Variants in EPB41L1 observed in about 807,000 individuals in gnomAD.
EPB41L1 encodes erythrocyte membrane protein band 4.1 like 1, also known as band 4.1-like protein 1.
Under a neutral mutation model 97.8 loss-of-function variants are expected in EPB41L1, and 29 were observed. That is an observed-to-expected ratio of 0.30 (90% CI 0.22 to 0.40). EPB41L1 has a LOEUF of 0.40. EPB41L1 is among the 10% of genes least tolerant of loss of function. The pLI is 1.00. For missense variants in EPB41L1, 812 were observed against 1,162.3 expected (o/e 0.70, Z 4.38); for synonymous variants, 383 against 459.2 (o/e 0.83, Z 2.12).
At chr20:36,154,326 C>G (rs928052379), upstream of EPB41L1, among the ~76,000 whole-genome samples, 1 of 152,166 alleles carries the variant, frequency 6.6e-6, no homozygotes, top group Non-Finnish European at 1.5e-5. This position sits in a 1 kb window ranked among gnomAD's most constrained non-coding sequence, Gnocchi z 5.5. Context: ...CCCTCCCTTT[C>G]TCGCTGATGA....
intron 1 of EPB41L1, among the ~76,000 whole-genome samples, chr20:36,096,165 T>C (rs373103662): frequency 2.6e-5 from 4 of 151,852 alleles, no homozygotes; most frequent in African/African-American, 9.7e-5. Context: ...TCAAGAGAGG[T>C]GGAGACAGGG....
At chr20:36,178,429 CT>C (rs923399987) in intron 4 of EPB41L1, among the ~76,000 whole-genome samples, 200 bp from the exon 5 acceptor site, 20 of 152,246 alleles carry the variant, frequency 1.3e-4, no homozygotes, top group Admixed American at 1.1e-3. Context: ...GCTCCGGGCA[CT>C]GGGTCCAAGC....
At chr20:36,173,379 T>C (rs1306309217) in intron 1 of EPB41L1, among the ~76,000 whole-genome samples, 2 of 152,204 alleles carry the variant, frequency 1.3e-5, no homozygotes, top group African/African-American at 2.4e-5. Flanking sequence ...GCTGAGGGTC[T>C]ACCAAGCGCC....
At chr20:36,135,262 C>T (rs777051525) in intron 2 of EPB41L1, among the ~76,000 whole-genome samples, 2 of 152,144 alleles carry the variant, frequency 1.3e-5, no homozygotes, top group African/African-American at 2.4e-5. Context: ...TGGTCATTCC[C>T]ATTGTACAGT....
At chr20:36,167,496 C>T (rs920226858) in intron 1 of EPB41L1, among the ~76,000 whole-genome samples, 1 of 152,000 alleles carries the variant, frequency 6.6e-6, no homozygotes, top group Non-Finnish European at 1.5e-5. Flanking sequence ...TGCCTGAGCT[C>T]AGGAGTTCAA....
rs542556915 is a variant in EPB41L1, at chr20:36,195,029, G to T, written c.1450-300G>T. 4.6e-5 allele frequency among the ~76,000 whole-genome samples: 7 copies of T among 152,156 alleles called. No individual in the cohort carries two copies. The highest frequency in any genetic ancestry group is 3.9e-4 in the Admixed American group (6 of 15,292). On this transcript the variant is annotated intron_variant, in intron 12 of 21. Coordinates refer to ENST00000338074, the MANE Select transcript of EPB41L1 (RefSeq NM_012156.2). The surrounding 1 kb of genome is among the most constrained non-coding windows in gnomAD (Gnocchi z 4.6). ...CTTGTGAGCACAGGGCCTTGAACATGCTCCCACTGACAGCGAGAGCAGGGA... is the reference window on the plus strand; with the variant it reads ...CTTGTGAGCACAGGGCCTTGAACATTCTCCCACTGACAGCGAGAGCAGGGA...
chr20:36,226,199 C>A (rs545879167), intron 21 of EPB41L1, among the ~76,000 whole-genome samples: 1 of 152,342 alleles, frequency 6.6e-6, no homozygotes, highest in South Asian at 2.1e-4. Context: ...TGGATGGATG[C>A]CTCTTGGTAC....
intron 13 of EPB41L1, chr20:36,197,545 C>T (rs1600887142): frequency 1.3e-6 from 1 of 795,116 alleles, no homozygotes; most frequent in East Asian, 1.3e-4. Flanking sequence ...GGAACTCACC[C>T]AGACCTGTGG....
intron 1 of EPB41L1, chr20:36,091,864 C>T (rs1014090082): frequency 6.6e-6 from 1 of 152,304 alleles, no homozygotes; most frequent in African/African-American, 2.4e-5. Flanking sequence ...ATCTTGGGCT[C>T]GCTGAACACG....
At chr20:36,222,179 C>T in intron 20 of EPB41L1, 99 bp from the exon 21 acceptor site, 1 of 1,173,936 alleles carries the variant, frequency 8.5e-7, no homozygotes, top group Non-Finnish European at 1.3e-6. Flanking sequence ...CTCTGGGCCT[C>T]AGTTTTTCCA....
intron 19 of EPB41L1, 84 bp from the exon 20 acceptor site, chr20:36,221,780 G>A (rs562051086): frequency 3.4e-5 from 40 of 1,166,494 alleles, no homozygotes; most frequent in South Asian, 4.9e-5. Context: ...CCCTGCCCTC[G>A]AGAGATGATT....
At chr20:36,144,351 A>G (rs1228676324) in intron 2 of EPB41L1, among the ~76,000 whole-genome samples, 1 of 152,062 alleles carries the variant, frequency 6.6e-6, no homozygotes, top group East Asian at 1.9e-4. Flanking sequence ...CTAGCTACCT[A>G]CAGTAGGCAG....
upstream of EPB41L1, chr20:36,151,997 C>A (rs1352152728): frequency 6.6e-6 from 1 of 152,138 alleles, no homozygotes; most frequent in Non-Finnish European, 1.5e-5. Flanking sequence ...GTCCCAGCTA[C>A]TCGGGAGGCT....
intron 2 of EPB41L1, among the ~76,000 whole-genome samples, chr20:36,115,778 G>A (rs1180349394): frequency 6.6e-6 from 1 of 152,140 alleles, no homozygotes; most frequent in East Asian, 1.9e-4. Flanking sequence ...TGTAATCCCA[G>A]CCACTCAGGA....
Position 36,190,202 on chromosome 20 carries a change from A to G in EPB41L1, c.1027-75A>G. ...CAAAAAAACATTAAACAAATAAAATAAAAAACACAAAGAATGGGCTAGTGG... is the reference window on the plus strand; with the variant it reads ...CAAAAAAACATTAAACAAATAAAATGAAAAACACAAAGAATGGGCTAGTGG... On this transcript the variant is annotated intron_variant, in intron 9 of 21. Coordinates refer to ENST00000338074, the MANE Select transcript of EPB41L1 (RefSeq NM_012156.2). This position sits in a 1 kb window ranked among gnomAD's most constrained non-coding sequence, Gnocchi z 5.8. 1.6e-6 allele frequency: 2 copies of G among 1,223,404 alleles called. No homozygotes were observed. The highest frequency in any genetic ancestry group is 2.4e-6 in the Non-Finnish European group (2 of 840,190). 75.8% of individuals were successfully genotyped at this position (1,223,404 alleles called of 1,614,324 possible). A position where few individuals can be genotyped will look rare whatever the true frequency, so the allele number is the denominator to read the frequency against.
intron 3 of EPB41L1, among the ~76,000 whole-genome samples, chr20:36,177,164 G>A (rs2061277252): frequency 6.6e-6 from 1 of 152,092 alleles, no homozygotes; most frequent in Admixed American, 6.5e-5. Flanking sequence ...ACCTTACAGG[G>A]GTCTCACTCC....
At chr20:36,161,675 G>A (rs963692140) in intron 1 of EPB41L1, among the ~76,000 whole-genome samples, 22 of 152,008 alleles carry the variant, frequency 1.4e-4, no homozygotes, top group Non-Finnish European at 1.0e-4. Flanking sequence ...GGTTATCACT[G>A]TGTTGGCCAG....
At chr20:36,121,581 TATGTGTCATG>T (rs1167035503) in intron 2 of EPB41L1, 1 of 152,282 alleles carries the variant, frequency 6.6e-6, no homozygotes, top group Non-Finnish European at 1.5e-5. Flanking sequence ...TTGCCTGGCC[TATGTGTCATG>T]TGCTCACAGG....
chr20:36,097,941 CCA>C (rs1284182561), intron 1 of EPB41L1, among the ~76,000 whole-genome samples: 1 of 152,098 alleles, frequency 6.6e-6, no homozygotes, highest in Admixed American at 6.6e-5. Context: ...AGTAAGCCAA[CCA>C]GGAAGGATCA....
Sources: gnomAD v4.1 joint callset for allele counts (sites outside exome capture counted in the v4.1 genomes callset) on GRCh38, gnomAD v4.1.1 for gene constraint, Gnocchi (gnomAD v3.1) non-coding constraint, MANE v1.5 for transcripts, NCBI Gene and HGNC (gene_info 2026-07-23, HGNC 2026-07-21) for gene names.